Variants in EXOC4 observed in about 807,000 individuals in gnomAD.
EXOC4 encodes the protein exocyst complex component 4, also known as SEC8-like 1.
A neutral mutation model predicts 107.2 loss-of-function variants in EXOC4; 71 were observed. That is an observed-to-expected ratio of 0.66 (90% CI 0.55 to 0.81). EXOC4 has a LOEUF of 0.81. Ranked by LOEUF, EXOC4 falls within the 30% of genes least tolerant of loss-of-function variation. The pLI is 0.00. For synonymous variants in EXOC4, 456 were observed against 441.2 expected (o/e 1.03, Z -0.42); for missense variants, 1,108 against 1,189.6 (o/e 0.93, Z 1.01).
chr7:133,421,612 T>C (rs1363040453), intron 7 of EXOC4, among the ~76,000 whole-genome samples: 1 of 152,216 alleles, frequency 6.6e-6, no homozygotes, highest in Admixed American at 6.5e-5. Flanking sequence ...TCTGGGTCCT[T>C]GCAGCATTTT....
intron 9 of EXOC4, among the ~76,000 whole-genome samples, chr7:133,596,284 TTA>T (rs1227748721): frequency 1.3e-5 from 2 of 152,222 alleles, no homozygotes; most frequent in Non-Finnish European, 2.9e-5. Flanking sequence ...GGCTGTTTCT[TTA>T]TGTTTCATAA....
intron 8 of EXOC4, among the ~76,000 whole-genome samples, chr7:133,478,462 T>A (rs1442174904): frequency 6.6e-6 from 1 of 152,238 alleles, no homozygotes. Flanking sequence ...GGTGCTATCA[T>A]TGAGCCCATG....
chr7:133,276,972 T>C (rs1794008520), intron 2 of EXOC4, among the ~76,000 whole-genome samples: 1 of 152,102 alleles, frequency 6.6e-6, no homozygotes, highest in African/African-American at 2.4e-5. Context: ...GGCATTTTTT[T>C]TTTTTTGAGA....
At chr7:133,963,633 A>C (rs527778060) in intron 14 of EXOC4, among the ~76,000 whole-genome samples, 1 of 152,224 alleles carries the variant, frequency 6.6e-6, no homozygotes, top group Admixed American at 6.5e-5. Flanking sequence ...GTTATCCATG[A>C]TATTAAAGTG....
chr7:133,854,408 G>GCACACACACACA (rs56849407), intron 11 of EXOC4, among the ~76,000 whole-genome samples: 134 of 139,560 alleles, frequency 9.6e-4, no homozygotes, highest in South Asian at 1.9e-3. Flanking sequence ...TGTTGAAAGA[G>GCACACACACACA]CACACACACA....
chr7:133,874,508 C>T (rs571469337), intron 11 of EXOC4, among the ~76,000 whole-genome samples: 212 of 152,304 alleles, frequency 1.4e-3, no homozygotes, highest in African/African-American at 4.6e-3. Flanking sequence ...CTTGCTTGCA[C>T]ACTCTCTCCC....
rs144862705 is a variant in EXOC4, at chr7:133,996,624, T to C, written c.2207-868T>C. ...TAGTTGGCCATAAGCTATATATGAG[T>C]TGAAGTGGAATACAGCACACTACCA... On this transcript the variant is annotated intron_variant, in intron 14 of 17. Transcript: ENST00000253861. Among the ~76,000 whole-genome samples, 279 of 152,182 alleles carry C rather than the reference T, an allele frequency of 1.8e-3. 1 individual carries two copies. Among genetic ancestry groups the C allele is most frequent in the African/African-American group, 6.4e-3 (266 of 41,524 alleles).
intron 14 of EXOC4, among the ~76,000 whole-genome samples, chr7:133,951,065 A>G (rs1373884735): frequency 6.6e-6 from 1 of 152,220 alleles, no homozygotes; most frequent in Non-Finnish European, 1.5e-5. Context: ...TGACAGACAG[A>G]TGGCTGCCAC....
chr7:133,596,041 T>C (rs923294816), intron 9 of EXOC4, among the ~76,000 whole-genome samples: 5 of 152,224 alleles, frequency 3.3e-5, no homozygotes, highest in Admixed American at 6.5e-5. Flanking sequence ...ATGCTATCTT[T>C]GTATGATGCT....
At chr7:133,600,542 C>G (rs1196841983) in intron 9 of EXOC4, among the ~76,000 whole-genome samples, 1 of 152,088 alleles carries the variant, frequency 6.6e-6, no homozygotes, top group Non-Finnish European at 1.5e-5. Context: ...TGGAGAGAAT[C>G]GATGTTGCAA....
chr7:133,897,992 C>G (rs1799357884), intron 12 of EXOC4, among the ~76,000 whole-genome samples: 1 of 152,058 alleles, frequency 6.6e-6, no homozygotes, highest in Non-Finnish European at 1.5e-5. Flanking sequence ...AACATCTCCC[C>G]ACCTCACCCC....
chr7:133,936,735 C>G (rs996297908), intron 13 of EXOC4, among the ~76,000 whole-genome samples: 1 of 152,236 alleles, frequency 6.6e-6, no homozygotes, highest in Admixed American at 6.5e-5. Context: ...TCTCGGCTCA[C>G]TGCAACCTCC....
chr7:133,441,800 C>T (rs1012169335), intron 7 of EXOC4, among the ~76,000 whole-genome samples: 1 of 152,182 alleles, frequency 6.6e-6, no homozygotes, highest in African/African-American at 2.4e-5. Context: ...CTAATTTTGA[C>T]TCACACTGTT....
intron 14 of EXOC4, among the ~76,000 whole-genome samples, chr7:133,993,601 TA>T (rs1227309176): frequency 2.6e-5 from 4 of 152,216 alleles, no homozygotes; most frequent in Non-Finnish European, 5.9e-5. Flanking sequence ...TATATATTTT[TA>T]ATTTGCAGTG....
intron 1 of EXOC4, among the ~76,000 whole-genome samples, chr7:133,264,383 C>T (rs1376433177): frequency 6.6e-6 from 1 of 152,118 alleles, no homozygotes; most frequent in South Asian, 2.1e-4. Context: ...CTAAATACAT[C>T]TCTTTGTATT....
intron 7 of EXOC4, among the ~76,000 whole-genome samples, chr7:133,471,088 G>T (rs1798864208): frequency 6.6e-6 from 1 of 152,100 alleles, no homozygotes; most frequent in Non-Finnish European, 1.5e-5. Context: ...AGGTATCCTA[G>T]AAATAAAGGC....
chr7:133,274,904 T>C (rs1793952547), intron 1 of EXOC4, 78 bp from the exon 2 acceptor site: 1 of 1,201,482 alleles, frequency 8.3e-7, no homozygotes, highest in African/African-American at 1.5e-5. Flanking sequence ...CCTTTTGCAT[T>C]TTACTTTCTG....
rs115634151 is a variant in EXOC4 at position 133,406,011 on chromosome 7, T to C, written c.1182+31009T>C. 3.0e-3 allele frequency among the ~76,000 whole-genome samples: 455 copies of C among 152,336 alleles called. 3 individuals carry two copies. The highest frequency in any genetic ancestry group is 0.01 in the African/African-American group (435 of 41,580). The stretch of plus-strand genomic sequence containing the variant: ...AGCAAGATATACATGATCTGAAAGA[T>C]AAACTATGTCCATTATTTGCAAAAA... On this transcript the variant is annotated intron_variant, in intron 7 of 17. Coordinates refer to ENST00000253861, the MANE Select transcript of EXOC4 (RefSeq NM_021807.4).
At chr7:133,464,739 G>A (rs1325997538) in intron 7 of EXOC4, among the ~76,000 whole-genome samples, 1 of 144,704 alleles carries the variant, frequency 6.9e-6, no homozygotes, top group East Asian at 2.1e-4. Flanking sequence ...AATTGTGTTA[G>A]TTAATTAGTT....
Sources: allele counts gnomAD v4.1 joint callset (sites outside exome capture counted in the v4.1 genomes callset), GRCh38; gene constraint gnomAD v4.1.1; transcripts MANE v1.5; gene names NCBI Gene and HGNC (gene_info 2026-07-23, HGNC 2026-07-21).